NUP37: variants seen among roughly 807,000 people sequenced by gnomAD.
NUP37 encodes nucleoporin 37, also known as nucleoporin Nup37.
In NUP37, 33 loss-of-function variants were observed where a neutral mutation model predicts 45.4. That is an observed-to-expected ratio of 0.73 (90% CI 0.55 to 0.97). The LOEUF is 0.97. NUP37 is among the 50% of genes least tolerant of loss of function. NUP37 has a pLI of 0.00. For synonymous variants in NUP37, 127 were observed against 130.7 expected, an observed-to-expected ratio of 0.97 and a Z score of 0.19; for missense variants, 365 against 389.7, an observed-to-expected ratio of 0.94 and a Z score of 0.53.
chr12:102,099,410 C>T (rs1364361927), intron 4 of NUP37, among the ~76,000 whole-genome samples: 1 of 152,140 alleles, frequency 6.6e-6, no homozygotes, highest in African/African-American at 2.4e-5. Context: ...TCATTCAACA[C>T]ACTATTAGCT....
chr12:102,112,896 A>G (rs1880358714), intron 2 of NUP37, among the ~76,000 whole-genome samples: 1 of 152,204 alleles, frequency 6.6e-6, no homozygotes, highest in Admixed American at 6.5e-5. Context: ...ATTGTTTATG[A>G]ATAGTGAATA....
At chr12:102,111,745 T>C (rs991708865) in intron 3 of NUP37, among the ~76,000 whole-genome samples, 4 of 152,136 alleles carry the variant, frequency 2.6e-5, no homozygotes, top group Non-Finnish European at 5.9e-5. Context: ...TCTTGGCCTA[T>C]GGGTGGGGAA....
At chr12:102,109,751 G>A (rs2136751653) in intron 3 of NUP37, among the ~76,000 whole-genome samples, 1 of 152,172 alleles carries the variant, frequency 6.6e-6, no homozygotes, top group Admixed American at 6.5e-5. Context: ...ATGAAACACA[G>A]CAAATTCACT....
At position 102,076,745 on chromosome 12, in the gene NUP37, C is replaced by T. The variant is rs368251282; in HGVS notation, c.773+52G>A. ...AACTACAAAAGTATCCCAGTGGTGGCACAGCAACGTCAAAAGATCAAATCA... is the reference window on the plus strand; with the variant it reads ...AACTACAAAAGTATCCCAGTGGTGGTACAGCAACGTCAAAAGATCAAATCA... On this transcript the variant is annotated intron_variant, in intron 8 of 9. Coordinates refer to ENST00000552283, the MANE Select transcript of NUP37 (RefSeq NM_024057.4). 4 of 1,489,956 alleles carry T rather than the reference C, an allele frequency of 2.7e-6. No homozygotes were observed. In the Admixed American group the frequency reaches 5.1e-5, roughly 19 times the overall value. The allele number at this position is 1,489,956 out of a possible 1,614,324, so 92.3% of individuals were successfully genotyped here.
chr12:102,107,103 C>T (rs1880177414), intron 3 of NUP37, among the ~76,000 whole-genome samples: 1 of 152,158 alleles, frequency 6.6e-6, no homozygotes, highest in Admixed American at 6.5e-5. Context: ...TATCTCCTGT[C>T]TCCTCAGCTG....
In NUP37 at chr12:102,085,827, G is replaced by C; in HGVS notation, c.479C>G (p.Ala160Gly). 1.3e-6 allele frequency: 2 copies of C among 1,599,530 alleles called. No individual in the cohort carries two copies. The highest frequency in any genetic ancestry group is 1.7e-6 in the Non-Finnish European group (2 of 1,167,980). ...RIWNLEGVQT[A>G]HFVLHSPGMS... is the part of the protein sequence containing the mutation. The stretch of plus-strand genomic sequence containing the variant: ...GCCAGGAGAATGAAGAACAAAATGA[G>C]CTGTTTGCACTCCTTCCAAGTTCCA... The change falls in exon 6 of 10, where the codon GCT becomes GGT. Residue 160 changes from alanine to glycine, a missense_variant. Ala to Gly is a moderately conservative substitution (Grantham distance 60). Transcript: ENST00000552283.
intron 4 of NUP37, among the ~76,000 whole-genome samples, chr12:102,099,869 G>A (rs1404066742): frequency 6.6e-6 from 1 of 151,948 alleles, no homozygotes; most frequent in Admixed American, 6.6e-5. Context: ...TACTTTAATG[G>A]TTATCATTCT....
At chr12:102,094,860 C>A (rs1285434570) in intron 5 of NUP37, among the ~76,000 whole-genome samples, 3 of 152,036 alleles carry the variant, frequency 2.0e-5, no homozygotes, top group African/African-American at 7.2e-5. Context: ...TATATGCACA[C>A]CTATATTTTA....
intron 5 of NUP37, among the ~76,000 whole-genome samples, chr12:102,098,037 T>G (rs986506210): frequency 6.6e-6 from 1 of 152,240 alleles, no homozygotes; most frequent in African/African-American, 2.4e-5. Flanking sequence ...ACATAAGTAC[T>G]AATAAATACT....
intron 1 of NUP37, among the ~76,000 whole-genome samples, chr12:102,119,790 C>A (rs2136786979): frequency 6.6e-6 from 1 of 152,302 alleles, no homozygotes; most frequent in African/African-American, 2.4e-5. Flanking sequence ...CTCATTAAAG[C>A]AGTGGCCGGG....
intron 5 of NUP37, among the ~76,000 whole-genome samples, chr12:102,094,405 G>T (rs1159467511): frequency 1.3e-5 from 2 of 151,766 alleles, no homozygotes; most frequent in African/African-American, 4.8e-5. Context: ...CCAAAGAATG[G>T]TTCATTGGCC....
At chr12:102,103,546 C>T (rs1880035386) in intron 3 of NUP37, among the ~76,000 whole-genome samples, 1 of 152,138 alleles carries the variant, frequency 6.6e-6, no homozygotes, top group South Asian at 2.1e-4. Context: ...AATTTAACTT[C>T]TTCCTTTCCT....
intron 5 of NUP37, among the ~76,000 whole-genome samples, chr12:102,086,464 T>A (rs1399095106): frequency 6.6e-6 from 1 of 152,210 alleles, no homozygotes; most frequent in Non-Finnish European, 1.5e-5. Context: ...AAGCTGGCCA[T>A]GGTTGACGAT....
intron 2 of NUP37, among the ~76,000 whole-genome samples, chr12:102,117,124 G>A (rs745437760): frequency 2.6e-5 from 4 of 151,854 alleles, no homozygotes; most frequent in East Asian, 1.9e-4. Context: ...CCAAATTACC[G>A]TGCTCATTAT....
At position 102,073,112 on chromosome 12, in the gene NUP37, T is replaced by C. The variant is rs1408709087; in HGVS notation, c.*1242A>G. 3.3e-5 allele frequency: 5 copies of C among 152,210 alleles called. No individual in the cohort carries two copies. Among genetic ancestry groups the C allele is most frequent in the Admixed American group, 6.5e-5 (1 of 15,282 alleles). 9.4% of individuals were successfully genotyped at this position (152,210 alleles called of 1,614,324 possible). ...ACAGACACATACTAGGTATTTTCAT[T>C]CACCTTTATTTAATCTTTACAGCAA... On this transcript the variant is annotated 3_prime_UTR_variant, in exon 10 of 10. Coordinates refer to ENST00000552283, the MANE Select transcript of NUP37 (RefSeq NM_024057.4).
At chr12:102,114,027 C>A (rs1479740487) in intron 2 of NUP37, among the ~76,000 whole-genome samples, 1 of 152,124 alleles carries the variant, frequency 6.6e-6, no homozygotes, top group Non-Finnish European at 1.5e-5. Context: ...GAAAGAAATA[C>A]ACTTATCAAG....
chr12:102,099,175 A>T lies in NUP37; in HGVS notation c.380T>A (p.Ile127Asn). Residue 127 changes from isoleucine (I) to asparagine (N), a missense_variant, in exon 5 of 10, where the codon ATT becomes AAT. Ile to Asn is a moderately radical substitution (Grantham distance 149). Transcript: ENST00000552283. ...YKVLEGHTDF[I>N]NGLVFDPKEG... is the part of the protein sequence containing the mutation. ...TTTGGGATCAAACACCAAACCATTA[A>T]TGAAATCGGTATGGCCCTCTAAAAC... The T allele has an allele frequency of 1.2e-6, 2 of 1,613,562 alleles. No individual in the cohort carries two copies. The highest frequency in any genetic ancestry group is 1.7e-6 in the Non-Finnish European group (2 of 1,179,470).
chr12:102,076,954 T>A, intron 7 of NUP37, 107 bp from the exon 8 acceptor site: 4 of 767,884 alleles, frequency 5.2e-6, no homozygotes, highest in Non-Finnish European at 4.3e-6. Flanking sequence ...TCCAATGTGT[T>A]TAAACTATAA....
At position 102,076,840 on chromosome 12, in the gene NUP37, G is replaced by C; in HGVS notation, c.730C>G (p.Gln244Glu). ...IWDITRSSYP[Q>E]NKRPVHMDRA... Reference sequence around the variant, plus strand: ...TCCATGTGAACAGGTCTCTTATTTTGAGGATAACTAAAAGATAATATTTTG... The same window carrying C: ...TCCATGTGAACAGGTCTCTTATTTTCAGGATAACTAAAAGATAATATTTTG... Residue 244 changes from glutamine to glutamate, a missense_variant, in exon 8 of 10, where the codon CAA (glutamine) becomes GAA (glutamate). Coordinates refer to ENST00000552283, the MANE Select transcript of NUP37 (RefSeq NM_024057.4). The C allele has an allele frequency of 6.2e-7, 1 of 1,611,816 alleles. No individual in the cohort carries two copies. The highest frequency in any genetic ancestry group is 1.1e-5 in the South Asian group (1 of 90,820).
Sources: allele counts gnomAD v4.1 joint callset (sites outside exome capture counted in the v4.1 genomes callset), GRCh38; gene constraint gnomAD v4.1.1; transcripts MANE v1.5; gene names NCBI Gene and HGNC (gene_info 2026-07-23, HGNC 2026-07-21).